FSTL5: variants seen among roughly 807,000 people sequenced by gnomAD.
FSTL5 encodes follistatin-related protein 5.
Under a neutral mutation model 89.1 loss-of-function variants are expected in FSTL5, and 62 were observed. That is an observed-to-expected ratio of 0.70 (90% CI 0.57 to 0.86). The LOEUF (loss-of-function observed/expected upper bound fraction) is 0.86, where lower values mean the gene tolerates loss of function less well. Ranked by LOEUF, FSTL5 falls within the 40% of genes least tolerant of loss-of-function variation. The pLI, the probability that FSTL5 is intolerant of heterozygous loss-of-function variation, is 0.00. For synonymous variants in FSTL5, 383 were observed against 346.2 expected (o/e 1.11, Z -1.18); for missense variants, 1,057 against 1,001.6 (o/e 1.06, Z -0.75).
chr4:162,126,313 GAAAT>G (rs1464807314), intron 1 of FSTL5, among the ~76,000 whole-genome samples: 1 of 151,842 alleles, frequency 6.6e-6, no homozygotes, highest in Non-Finnish European at 1.5e-5. Flanking sequence ...ATTATTAATT[GAAAT>G]AATAACTTTA....
At chr4:161,657,654 T>G (rs1040170891) in intron 6 of FSTL5, among the ~76,000 whole-genome samples, 1 of 152,148 alleles carries the variant, frequency 6.6e-6, no homozygotes, top group Admixed American at 6.5e-5. Flanking sequence ...CCCCTTGAGA[T>G]GCTAAACAAG....
intron 8 of FSTL5, among the ~76,000 whole-genome samples, chr4:161,584,392 CA>C (rs2126603570): frequency 6.6e-6 from 1 of 152,320 alleles, no homozygotes; most frequent in African/African-American, 2.4e-5. Context: ...TGAATTAGAT[CA>C]CATCAATTTT....
intron 15 of FSTL5, among the ~76,000 whole-genome samples, chr4:161,437,418 T>G (rs1403992307): frequency 6.6e-6 from 1 of 151,402 alleles, no homozygotes; most frequent in African/African-American, 2.4e-5. Context: ...ATACAAAAAA[T>G]TCGCCGGGCG....
At chr4:161,860,260 C>T (rs546500479) in intron 4 of FSTL5, among the ~76,000 whole-genome samples, 3 of 151,528 alleles carry the variant, frequency 2.0e-5, no homozygotes, top group South Asian at 4.2e-4. Flanking sequence ...TGCACTCCAG[C>T]CTAGGCGACA....
In FSTL5 at chr4:161,775,865, T is replaced by C. The variant is rs769157651; in HGVS notation, c.606+13A>G. On this transcript the variant is annotated intron_variant, in intron 5 of 15. Transcript: ENST00000306100. ...TATTTCAGTAAGTTTGTTAATATAGTCACTAATCATACCTGAGTTAGTTCA... is the reference window on the plus strand; with the variant it reads ...TATTTCAGTAAGTTTGTTAATATAGCCACTAATCATACCTGAGTTAGTTCA... The C allele has an allele frequency of 7.4e-7, 1 of 1,355,488 alleles. No homozygotes were observed. 84.0% of individuals were successfully genotyped at this position (1,355,488 alleles called of 1,614,324 possible). A position where few individuals can be genotyped will look rare whatever the true frequency, so the allele number is the denominator to read the frequency against.
At chr4:161,645,133 A>G (rs992992661) in intron 7 of FSTL5, among the ~76,000 whole-genome samples, 5 of 152,254 alleles carry the variant, frequency 3.3e-5, no homozygotes, top group African/African-American at 9.6e-5. Flanking sequence ...CTCAGGGTAA[A>G]CATAGCAGTT....
intron 7 of FSTL5, among the ~76,000 whole-genome samples, chr4:161,605,721 C>A (rs947653051): frequency 6.6e-6 from 1 of 152,178 alleles, no homozygotes; most frequent in African/African-American, 2.4e-5. Context: ...CAGTGGAGAA[C>A]CATTTCCTGT....
At chr4:161,854,321 T>C (rs765812742) in intron 4 of FSTL5, among the ~76,000 whole-genome samples, 2 of 152,172 alleles carry the variant, frequency 1.3e-5, no homozygotes, top group African/African-American at 4.8e-5. Context: ...CAATGAGTCC[T>C]CCAGGAAATA....
At chr4:161,548,320 T>A (rs1327364677) in intron 8 of FSTL5, among the ~76,000 whole-genome samples, 2 of 151,900 alleles carry the variant, frequency 1.3e-5, no homozygotes, top group Admixed American at 1.3e-4. Flanking sequence ...TATGTACTGT[T>A]CAATAATGAA....
intron 2 of FSTL5, among the ~76,000 whole-genome samples, chr4:162,103,027 G>A (rs1731065787): frequency 6.6e-6 from 1 of 151,988 alleles, no homozygotes. Context: ...GTGTAAAAGA[G>A]CAACTGTTTT....
At chr4:161,718,480 G>A (rs1282024151) in intron 6 of FSTL5, among the ~76,000 whole-genome samples, 2 of 151,810 alleles carry the variant, frequency 1.3e-5, no homozygotes, top group African/African-American at 2.4e-5. Context: ...CCAGCCTGGA[G>A]TGCAACGGCG....
intron 4 of FSTL5, among the ~76,000 whole-genome samples, chr4:161,856,606 A>T (rs1280034322): frequency 1.3e-5 from 2 of 151,700 alleles, no homozygotes; most frequent in African/African-American, 2.4e-5. Context: ...AACAGAGAAG[A>T]AAATGTATTT....
chr4:161,964,914 A>G (rs765522301), intron 3 of FSTL5, among the ~76,000 whole-genome samples: 1 of 152,036 alleles, frequency 6.6e-6, no homozygotes, highest in Non-Finnish European at 1.5e-5. Flanking sequence ...TTTATAACAC[A>G]TTAGACTCTC....
intron 3 of FSTL5, among the ~76,000 whole-genome samples, chr4:162,006,943 G>C (rs986610404): frequency 6.6e-6 from 1 of 151,828 alleles, no homozygotes; most frequent in African/African-American, 2.4e-5. Flanking sequence ...TTAAAAAATA[G>C]ATGCACAAGG....
chr4:161,951,037 C>T (rs117886845), intron 3 of FSTL5, among the ~76,000 whole-genome samples: 97 of 152,052 alleles, frequency 6.4e-4, no homozygotes, highest in African/African-American at 2.1e-3. Context: ...TGAATCACGG[C>T]GCCAGTGTTT....
intron 6 of FSTL5, among the ~76,000 whole-genome samples, chr4:161,749,948 C>G (rs1247345448): frequency 6.6e-6 from 1 of 151,864 alleles, no homozygotes; most frequent in African/African-American, 2.4e-5. Context: ...GAAGCCCAGT[C>G]CCCACCATTA....
At chr4:161,638,149 G>T (rs1316214161) in intron 7 of FSTL5, among the ~76,000 whole-genome samples, 2 of 150,970 alleles carry the variant, frequency 1.3e-5, no homozygotes, top group Non-Finnish European at 2.9e-5. Context: ...TTGAGCAGTG[G>T]TTTGTAGTTC....
At chr4:161,589,250 T>C (rs1236255468) in intron 7 of FSTL5, among the ~76,000 whole-genome samples, 1 of 152,130 alleles carries the variant, frequency 6.6e-6, no homozygotes, top group Non-Finnish European at 1.5e-5. Context: ...CTCGTCTCAC[T>C]GCAACATCTG....
At chr4:161,405,328 G>A (rs1264162630) in intron 15 of FSTL5, among the ~76,000 whole-genome samples, 4 of 151,050 alleles carry the variant, frequency 2.6e-5, no homozygotes, top group Non-Finnish European at 5.9e-5. Context: ...AGGAAACTAG[G>A]AGAATGATAT....
Sources: allele counts gnomAD v4.1 joint callset (sites outside exome capture counted in the v4.1 genomes callset), GRCh38; gene constraint gnomAD v4.1.1; transcripts MANE v1.5; gene names NCBI Gene and HGNC (gene_info 2026-07-23, HGNC 2026-07-21).